Variants in ALKBH8 observed in about 807,000 individuals in gnomAD.
ALKBH8 encodes the protein tRNA (carboxymethyluridine(34)-5-O)-methyltransferase ALKBH8.
Under a neutral mutation model 59.8 loss-of-function variants are expected in ALKBH8, and 36 were observed. The observed-to-expected ratio is 0.60, with a 90% CI of 0.46 to 0.79. The LOEUF (loss-of-function observed/expected upper bound fraction) is 0.79. Among genes scored for constraint, ALKBH8 ranks in the 30% least tolerant of loss-of-function variants. The probability of loss-of-function intolerance (pLI) is 0.00; values close to 1 mark genes in which losing one functional copy is unlikely to be tolerated. For missense variants in ALKBH8, 768 were observed against 801.0 expected, an observed-to-expected ratio of 0.96 and a Z score of 0.50; for synonymous variants, 276 against 273.6, an observed-to-expected ratio of 1.01 and a Z score of -0.09.
At chr11:107,540,506 A>T (rs879556218) in intron 7 of ALKBH8, among the ~76,000 whole-genome samples, 4 of 152,234 alleles carry the variant, frequency 2.6e-5, no homozygotes, top group Admixed American at 1.3e-4. Context: ...ATGTTGCATA[A>T]CTGGAAAATC....
rs1862294200 is a variant in ALKBH8, at chr11:107,504,539, AGCTTTCCTTTG to A, written c.*108_*118del. 7 of 1,319,476 alleles carry A rather than the reference AGCTTTCCTTTG, an allele frequency of 5.3e-6. No individual in the cohort carries two copies. The highest frequency in any genetic ancestry group is 3.2e-6 in the Non-Finnish European group (3 of 943,804). The allele number at this position is 1,319,476 out of a possible 1,614,324, so 81.7% of individuals were successfully genotyped here. On this transcript the variant is annotated 3_prime_UTR_variant, in exon 12 of 12. Transcript: ENST00000428149. ...GAATCCCTACTTCCAAATTTTTCTC[AGCTTTCCTTTG>A]GTACTTTCCCACAAGTTTTCTCTTT... is the stretch of plus-strand genomic sequence containing the variant.
At chr11:107,540,041 A>T (rs748605995) in intron 7 of ALKBH8, among the ~76,000 whole-genome samples, 1 of 152,156 alleles carries the variant, frequency 6.6e-6, no homozygotes. Context: ...GCTAAATACC[A>T]CTGTGGTCCA....
Position 107,532,340 on chromosome 11 carries a change from G to C in ALKBH8, c.838C>G (p.Leu280Val), listed in dbSNP as rs771306753. 6.2e-7 allele frequency: 1 copy of C among 1,613,428 alleles called. No homozygotes were observed. Among genetic ancestry groups the C allele is most frequent in the South Asian group, 1.1e-5 (1 of 91,046 alleles). The change falls in exon 8 of 12, where the codon CTG becomes GTG. Residue 280 changes from leucine (L) to valine (V), a missense_variant. Transcript: ENST00000428149. ...TATCTAGATTCTCCTGTCATCACCA[G>C]CAAACTCCGACGAGGCAACATAACT... ...VPVMLPRRSL[L>V]VMTGESRYLW...
intron 7 of ALKBH8, among the ~76,000 whole-genome samples, chr11:107,537,392 A>C (rs1200429610): frequency 6.6e-6 from 1 of 152,234 alleles, no homozygotes; most frequent in African/African-American, 2.4e-5. Context: ...GAATGAGATC[A>C]TGTCCTTTGC....
At chr11:107,529,988 T>C (rs61908181) in intron 8 of ALKBH8, among the ~76,000 whole-genome samples, 30,679 of 152,078 alleles carry the variant, frequency 0.2, 3,882 homozygotes, top group South Asian at 0.37. Context: ...TAAAGAATGC[T>C]AGTGACACAC....
rs962514415 is a variant in ALKBH8 at position 107,512,592 on chromosome 11, C to T, written c.1288-1556G>A. ...CCTCCCAAAGTGCTGGGATTACAGG[C>T]ATGAACCACTGCACCAGGCCACAAG... On this transcript the variant is annotated intron_variant, in intron 10 of 11. Coordinates refer to ENST00000428149, the MANE Select transcript of ALKBH8 (RefSeq NM_138775.3). Among the ~76,000 whole-genome samples the T allele has an allele frequency of 3.3e-5, 5 of 152,132 alleles. No individual in the cohort carries two copies. The South Asian group carries it at 6.2e-4, about 19-fold the overall frequency.
chr11:107,545,073 G>A (rs1011611539), intron 7 of ALKBH8, among the ~76,000 whole-genome samples: 1 of 152,074 alleles, frequency 6.6e-6, no homozygotes, highest in African/African-American at 2.4e-5. Flanking sequence ...TATGGGGCCT[G>A]GAATCAAGAT....
intron 7 of ALKBH8, among the ~76,000 whole-genome samples, chr11:107,546,151 G>A (rs1398473346): frequency 1.3e-5 from 2 of 151,924 alleles, no homozygotes; most frequent in Non-Finnish European, 1.5e-5. Context: ...TTTTAGTTTC[G>A]TTTTCCCAGA....
intron 3 of ALKBH8, among the ~76,000 whole-genome samples, chr11:107,556,278 C>CA (rs200609019): frequency 0.014 from 2,026 of 148,930 alleles, 40 homozygotes; most frequent in African/African-American, 0.047. Flanking sequence ...AACTCTGTCT[C>CA]AAAAAGCAAA....
At chr11:107,513,388 C>CA (rs200920867) in intron 10 of ALKBH8, among the ~76,000 whole-genome samples, 2,083 of 152,046 alleles carry the variant, frequency 0.014, 41 homozygotes, top group African/African-American at 0.048. Context: ...TTTAAAAAGT[C>CA]AAAAAAATAA....
At chr11:107,517,313 G>A (rs940411794) in intron 10 of ALKBH8, among the ~76,000 whole-genome samples, 4 of 152,144 alleles carry the variant, frequency 2.6e-5, no homozygotes, top group Non-Finnish European at 5.9e-5. Flanking sequence ...CATACTGTTG[G>A]TGGGAATGTA....
chr11:107,505,697 G>A (rs1211582175), intron 11 of ALKBH8, among the ~76,000 whole-genome samples: 1 of 152,220 alleles, frequency 6.6e-6, no homozygotes, highest in Non-Finnish European at 1.5e-5. Context: ...TTAAGGCACT[G>A]GAGAGTAACA....
At chr11:107,561,042 AGAGAAGTGAGAACAGATAAATAAAAAAT>A in intron 1 of ALKBH8, 143 bp from the exon 2 acceptor site, 1 of 647,360 alleles carries the variant, frequency 1.5e-6, no homozygotes, top group Non-Finnish European at 2.5e-6. Context: ...GTACCAACTA[AGAGAAGTGAGAACAGATAAATAAAAAAT>A]GAACAAATAT....
intron 9 of ALKBH8, 109 bp downstream of exon 9, chr11:107,525,332 T>C: frequency 1.0e-6 from 1 of 988,690 alleles, no homozygotes; most frequent in Non-Finnish European, 1.4e-6. Flanking sequence ...ATACAGGAAA[T>C]GCCATTAGAG....
chr11:107,509,028 A>G lies in ALKBH8; in HGVS notation c.1437+1859T>C, dbSNP rs895252873. On this transcript the variant is annotated intron_variant, in intron 11 of 11. Transcript: ENST00000428149. The stretch of plus-strand genomic sequence containing the variant: ...TCAATTCTTTTGGGTATATATCTAG[A>G]AGCAGAATTGCTGAATCATGTGGTA... 7.2e-5 allele frequency among the ~76,000 whole-genome samples: 11 copies of G among 152,280 alleles called. No homozygotes were observed. In the South Asian group the frequency reaches 2.3e-3, roughly 32 times the overall value.
chr11:107,554,020 A>G (rs1483374278), intron 3 of ALKBH8, 42 bp from the exon 4 acceptor site: 15 of 1,607,880 alleles, frequency 9.3e-6, no homozygotes, highest in Non-Finnish European at 1.3e-5. Context: ...CAAAACTTAA[A>G]GTTCCTATAT....
chr11:107,519,544 T>C (rs568441995), intron 10 of ALKBH8, among the ~76,000 whole-genome samples: 1 of 152,314 alleles, frequency 6.6e-6, no homozygotes, highest in Admixed American at 6.5e-5. Context: ...GAAAAGAGCA[T>C]ACTACAGGTT....
intron 7 of ALKBH8, among the ~76,000 whole-genome samples, chr11:107,533,057 A>G (rs1174143937): frequency 6.6e-6 from 1 of 152,152 alleles, no homozygotes; most frequent in Non-Finnish European, 1.5e-5. Context: ...AAAAAAAGGA[A>G]CATTTTCGGC....
At chr11:107,542,790 G>A (rs922161348) in intron 7 of ALKBH8, among the ~76,000 whole-genome samples, 1 of 152,122 alleles carries the variant, frequency 6.6e-6, no homozygotes, top group African/African-American at 2.4e-5. Flanking sequence ...CGTGCCTGCA[G>A]TACCTGCTAC....
Sources: gnomAD v4.1 joint callset for allele counts (sites outside exome capture counted in the v4.1 genomes callset) on GRCh38, gnomAD v4.1.1 for gene constraint, MANE v1.5 for transcripts, NCBI Gene and HGNC (gene_info 2026-07-23, HGNC 2026-07-21) for gene names.